MTCL1: variants seen among roughly 807,000 people sequenced by gnomAD.
MTCL1 encodes microtubule cross-linking factor 1.
In MTCL1, 79 loss-of-function variants were observed where a neutral mutation model predicts 141.4. The ratio of observed to expected loss-of-function variants is 0.56; its 90% CI spans 0.47 to 0.67. MTCL1 has a LOEUF of 0.67. MTCL1 is among the 30% of genes least tolerant of loss of function. The pLI is 0.00. For synonymous variants in MTCL1, 914 were observed against 875.8 expected, an observed-to-expected ratio of 1.04 and a Z score of -0.77; for missense variants, 2,177 against 2,113.9, an observed-to-expected ratio of 1.03 and a Z score of -0.59.
intron 12 of MTCL1, among the ~76,000 whole-genome samples, chr18:8,816,515 T>TG (rs2076660515): frequency 6.6e-6 from 1 of 152,114 alleles, no homozygotes; most frequent in African/African-American, 2.4e-5. Context: ...GATTGCGGGG[T>TG]GGGGGTAGGA....
intron 4 of MTCL1, among the ~76,000 whole-genome samples, chr18:8,753,611 T>A (rs1390207032): frequency 6.6e-6 from 1 of 152,176 alleles, no homozygotes; most frequent in Non-Finnish European, 1.5e-5. Flanking sequence ...GAGCCCCTGA[T>A]GTGAGCTGTG....
intron 5 of MTCL1, among the ~76,000 whole-genome samples, chr18:8,782,979 T>C (rs2096537788): frequency 6.6e-6 from 1 of 152,170 alleles, no homozygotes; most frequent in Non-Finnish European, 1.5e-5. Context: ...TGAGCTCTCA[T>C]TTGGGGTGGC....
In MTCL1 at chr18:8,731,854, G is replaced by A. The variant is rs561956464; in HGVS notation, c.357+11358G>A. On this transcript the variant is annotated intron_variant, in intron 4 of 16. Coordinates refer to ENST00000359865, the Ensembl canonical transcript of MTCL1. ...CTCCTGAGTAGCTGGGATTACAGGT[G>A]TGCACCACCACACCTGGCTAATTTT... 6.5e-3 allele frequency among the ~76,000 whole-genome samples: 993 copies of A among 152,100 alleles called. 8 individuals carry two copies. The highest frequency in any genetic ancestry group is 0.023 in the African/African-American group (948 of 41,520).
At chr18:8,812,489 G>C (rs1382138741) in intron 11 of MTCL1, among the ~76,000 whole-genome samples, 1 of 152,118 alleles carries the variant, frequency 6.6e-6, no homozygotes, top group Non-Finnish European at 1.5e-5. Context: ...TATGACATGG[G>C]TCATTTTTCC....
intron 6 of MTCL1, among the ~76,000 whole-genome samples, chr18:8,785,131 G>T (rs572756549): frequency 1.3e-5 from 2 of 152,110 alleles, no homozygotes; most frequent in East Asian, 3.9e-4. Context: ...CAGACACGAG[G>T]CTGAGCCCAG....
intron 4 of MTCL1, among the ~76,000 whole-genome samples, chr18:8,747,307 G>A (rs769499588): frequency 1.3e-5 from 2 of 152,224 alleles, no homozygotes; most frequent in Admixed American, 6.5e-5. Context: ...ATCTGGAAAG[G>A]CCCTAGGGGA....
rs188919664 is a variant in MTCL1, at chr18:8,743,724, A to G, written c.357+23228A>G. ...TCTCCTGACTCCCTCTTTCATTTTT[A>G]AAAACCCTATGATGGCATTGGGTCC... On this transcript the variant is annotated intron_variant, in intron 4 of 16. Transcript: ENST00000359865. Among the ~76,000 whole-genome samples the G allele has an allele frequency of 6.0e-4, 92 of 152,346 alleles. 1 individual carries two copies. Among genetic ancestry groups the G allele is most frequent in the African/African-American group, 2.2e-3 (92 of 41,574 alleles).
intron 4 of MTCL1, among the ~76,000 whole-genome samples, chr18:8,771,772 AT>A (rs917337739): frequency 5.9e-5 from 9 of 151,940 alleles, no homozygotes; most frequent in African/African-American, 9.7e-5. Flanking sequence ...CACAAACTTA[AT>A]TTTTTTTTCT....
chr18:8,733,309 C>T (rs2096260609), intron 4 of MTCL1, among the ~76,000 whole-genome samples: 1 of 152,156 alleles, frequency 6.6e-6, no homozygotes, highest in African/African-American at 2.4e-5. Context: ...AAAAATCCTC[C>T]ATGTATTGTT....
At chr18:8,751,315 GT>G (rs888287632) in intron 4 of MTCL1, among the ~76,000 whole-genome samples, 2 of 152,128 alleles carry the variant, frequency 1.3e-5, no homozygotes, top group African/African-American at 4.8e-5. Context: ...TCAGTTGTCT[GT>G]TTTAAGTTTT....
chr18:8,727,373 GT>G (rs1257891704), intron 4 of MTCL1, among the ~76,000 whole-genome samples: 2 of 152,118 alleles, frequency 1.3e-5, no homozygotes, highest in Admixed American at 6.5e-5. Flanking sequence ...TCCCTATACT[GT>G]TTTCCATAGA....
chr18:8,707,190 A>G (rs2096062828), intron 1 of MTCL1: 1 of 153,322 alleles, frequency 6.5e-6, no homozygotes, highest in Non-Finnish European at 1.5e-5. Flanking sequence ...TTCTCCTGCA[A>G]TTACGGAAAG....
At chr18:8,705,567 A>C (rs2096055964), upstream of MTCL1, 1 of 865,786 alleles carries the variant, frequency 1.2e-6, no homozygotes, top group East Asian at 4.3e-5. This position sits in a 1 kb window ranked among gnomAD's most constrained non-coding sequence, Gnocchi z 5.2. Flanking sequence ...GTGATGAGAG[A>C]GCGCGCGGGG....
chr18:8,725,776 CTTTTTTTTTTTTTCTTTTT>C (rs1464608569), intron 4 of MTCL1, among the ~76,000 whole-genome samples: 3 of 111,006 alleles, frequency 2.7e-5, no homozygotes, highest in Non-Finnish European at 3.6e-5. Flanking sequence ...GTGCCATTTT[CTTTTTTTTTTTTTCTTTTT>C]TTTTTTTTTT....
chr18:8,721,289 T>C (rs1343755759), intron 4 of MTCL1, among the ~76,000 whole-genome samples: 2 of 152,216 alleles, frequency 1.3e-5, no homozygotes, highest in African/African-American at 4.8e-5. Flanking sequence ...ATTTTTCCTT[T>C]GGAACAGTTT....
At chr18:8,755,112 G>A (rs1181627079) in intron 4 of MTCL1, among the ~76,000 whole-genome samples, 3 of 152,136 alleles carry the variant, frequency 2.0e-5, no homozygotes, top group Non-Finnish European at 4.4e-5. Context: ...CCCGTGCCAC[G>A]GCTGCTCTTG....
chr18:8,784,482 TAA>T lies in MTCL1; in HGVS notation c.1373_1374del (p.Lys458ThrfsTer23), dbSNP rs1276569913. On this transcript the variant is annotated frameshift_variant, in exon 6 of 17. Coordinates refer to ENST00000359865, the Ensembl canonical transcript of MTCL1. LOFTEE classifies it high-confidence loss of function. ...GAGGACTCTGAGTACCTAGTGACCCTAAAACACGAGGCCCAGCGGCTAGAGCG... is the reference window on the plus strand; with the variant it reads ...GAGGACTCTGAGTACCTAGTGACCCTAACACGAGGCCCAGCGGCTAGAGCG... The T allele has an allele frequency of 6.4e-7, 1 of 1,570,426 alleles. No individual in the cohort carries two copies. The highest frequency in any genetic ancestry group is 8.6e-7 in the Non-Finnish European group (1 of 1,157,588).
chr18:8,740,775 AC>A (rs1275334726), intron 4 of MTCL1, among the ~76,000 whole-genome samples: 1 of 152,132 alleles, frequency 6.6e-6, no homozygotes, highest in African/African-American at 2.4e-5. Context: ...GAGCCACCGC[AC>A]CCGGCTGAAA....
intron 6 of MTCL1, chr18:8,785,724 T>C: frequency 1.7e-6 from 1 of 599,238 alleles, no homozygotes; most frequent in Non-Finnish European, 2.9e-6. Flanking sequence ...ATCCTCATCT[T>C]GGGTCTGTTT....
Sources: gnomAD v4.1 joint callset for allele counts (sites outside exome capture counted in the v4.1 genomes callset) on GRCh38, gnomAD v4.1.1 for gene constraint, Gnocchi (gnomAD v3.1) non-coding constraint, MANE v1.5 for transcripts, NCBI Gene and HGNC (gene_info 2026-07-23, HGNC 2026-07-21) for gene names.